The following SLC14A2 variants were observed in gnomAD, a reference collection of about 807,000 sequenced individuals.
SLC14A2 encodes the protein urea transporter 2.
Under a neutral mutation model 104.6 loss-of-function variants are expected in SLC14A2, and 91 were observed. That is an observed-to-expected ratio of 0.87 (90% CI 0.73 to 1.04). The LOEUF is 1.04. Among genes scored for constraint, SLC14A2 ranks in the 50% least tolerant of loss-of-function variants. The pLI is 0.00. For synonymous variants in SLC14A2, 476 were observed against 466.4 expected, an observed-to-expected ratio of 1.02 and a Z score of -0.27; for missense variants, 1,189 against 1,156.0, an observed-to-expected ratio of 1.03 and a Z score of -0.41.
chr18:45,537,287 A>G (rs1387867682), intron 2 of SLC14A2, among the ~76,000 whole-genome samples: 1 of 152,140 alleles, frequency 6.6e-6, no homozygotes, highest in Non-Finnish European at 1.5e-5. Flanking sequence ...ATAATTTTGA[A>G]GATTTTAGTG....
At chr18:45,501,951 T>C (rs1301846928) in intron 2 of SLC14A2, among the ~76,000 whole-genome samples, 1 of 152,336 alleles carries the variant, frequency 6.6e-6, no homozygotes, top group East Asian at 1.9e-4. Flanking sequence ...TTTATGGCTC[T>C]TGAGAAAAGT....
chr18:45,507,310 T>C (rs2043301688), intron 2 of SLC14A2: 1 of 152,346 alleles, frequency 6.6e-6, no homozygotes, highest in Admixed American at 6.5e-5. Flanking sequence ...GAGAAGTCAA[T>C]GCGCAGAGGT....
At chr18:45,420,748 A>G (rs2446788) in intron 1 of SLC14A2, among the ~76,000 whole-genome samples, 1 of 150,120 alleles carries the variant, frequency 6.7e-6, no homozygotes, top group East Asian at 1.9e-4. Context: ...TATTATTATT[A>G]TTTTTTTTTT....
intron 1 of SLC14A2, among the ~76,000 whole-genome samples, chr18:45,459,976 G>A (rs1328056833): frequency 6.6e-6 from 1 of 152,032 alleles, no homozygotes; most frequent in Admixed American, 6.6e-5. Context: ...CAGGTACCTG[G>A]GGCTCTCATG....
intron 1 of SLC14A2, among the ~76,000 whole-genome samples, chr18:45,231,814 G>T (rs1409376085): frequency 6.6e-6 from 1 of 152,208 alleles, no homozygotes; most frequent in African/African-American, 2.4e-5. Flanking sequence ...AGTAGTTACT[G>T]AGCATCTGTA....
chr18:45,568,698 C>G lies in SLC14A2; in HGVS notation c.-34-55933C>G, dbSNP rs529097872. On this transcript the variant is annotated intron_variant, in intron 2 of 20. Coordinates refer to the SLC14A2 transcript ENST00000586448. ...GAGCAGCCCTTTGTCAGCCCAAGTC[C>G]CTGAATGACAATACGAAGTAGAGGC... 1.3e-3 allele frequency among the ~76,000 whole-genome samples: 197 copies of G among 152,258 alleles called. 1 individual carries two copies. Among genetic ancestry groups the G allele is most frequent in the Non-Finnish European group, 2.5e-3 (168 of 68,014 alleles).
chr18:45,482,496 C>A (rs1344607342), intron 1 of SLC14A2: 1 of 152,192 alleles, frequency 6.6e-6, no homozygotes, highest in Non-Finnish European at 1.5e-5. Context: ...GCTACAATCA[C>A]CTCAAGGCTT....
At chr18:45,169,046 T>C in the SLC14A2 span, 1 of 152,186 alleles carries the variant, frequency 6.6e-6, no homozygotes, top group Admixed American at 6.5e-5. Context: ...TGGTTGGTTG[T>C]TGACTATATA....
At chr18:45,439,066 C>T (rs575760496) in intron 1 of SLC14A2, among the ~76,000 whole-genome samples, 60 of 152,260 alleles carry the variant, frequency 3.9e-4, no homozygotes, top group African/African-American at 1.3e-3. Context: ...GGGAGGATCA[C>T]TTGAGGGCCG....
chr18:45,417,796 T>C (rs1278657204), intron 1 of SLC14A2, among the ~76,000 whole-genome samples: 1 of 152,140 alleles, frequency 6.6e-6, no homozygotes, highest in African/African-American at 2.4e-5. Flanking sequence ...AAATCTCAAA[T>C]GGAGGAATTT....
At chr18:45,182,973 C>A in the SLC14A2 span, among the ~76,000 whole-genome samples, 1 of 151,998 alleles carries the variant, frequency 6.6e-6, no homozygotes, top group South Asian at 2.1e-4. Context: ...TAAAACAGTA[C>A]CGTATTGGTG....
intron 1 of SLC14A2, among the ~76,000 whole-genome samples, chr18:45,229,810 A>T (rs568595693): frequency 2.8e-4 from 42 of 152,284 alleles, no homozygotes; most frequent in African/African-American, 9.6e-4. Context: ...TAATCTGGAA[A>T]GTTGCTTCTG....
chr18:45,655,651 C>T lies in SLC14A2; in HGVS notation c.1352-8134C>T, dbSNP rs182119623. Among the ~76,000 whole-genome samples the T allele has an allele frequency of 3.3e-4, 50 of 152,122 alleles. 1 individual carries two copies. In the East Asian group the frequency reaches 4.3e-3, roughly 13 times the overall value. On this transcript the variant is annotated intron_variant, in intron 10 of 19. Transcript: ENST00000255226. ...GCATAGCTATGTCTGCCATAGGTAG[C>T]GCAGAAGAAGGCATAGAAGAGCATG...
At chr18:45,431,925 G>T (rs114955933) in intron 1 of SLC14A2, among the ~76,000 whole-genome samples, 5 of 152,278 alleles carry the variant, frequency 3.3e-5, no homozygotes, top group African/African-American at 1.2e-4. Context: ...GAGGGTTCTT[G>T]TGCTTCCAAC....
intron 1 of SLC14A2, among the ~76,000 whole-genome samples, chr18:45,331,627 G>T (rs979328170): frequency 6.6e-6 from 1 of 151,356 alleles, no homozygotes; most frequent in Admixed American, 6.6e-5. Flanking sequence ...GGAGGCGGAG[G>T]TTGCAGTGAG....
chr18:45,455,735 G>A (rs1351313274), intron 1 of SLC14A2, among the ~76,000 whole-genome samples: 4 of 152,078 alleles, frequency 2.6e-5, no homozygotes, highest in African/African-American at 9.7e-5. Context: ...GAACAAAAGT[G>A]ACAGTGTCTG....
intron 1 of SLC14A2, among the ~76,000 whole-genome samples, chr18:45,395,275 G>A (rs191353402): frequency 6.6e-6 from 1 of 152,178 alleles, no homozygotes; most frequent in Non-Finnish European, 1.5e-5. Flanking sequence ...AAAGAAGCCA[G>A]CCACAGAAGG....
chr18:45,682,219 A>C, intron 19 of SLC14A2, 100 bp from the exon 20 acceptor site: 1 of 985,062 alleles, frequency 1.0e-6, no homozygotes, highest in South Asian at 1.3e-5. Flanking sequence ...CCCTCAAAGC[A>C]GTCCCTCATG....
chr18:45,636,964 T>TA (rs1428683074), intron 5 of SLC14A2, 26 bp from the exon 6 acceptor site: 1 of 1,597,574 alleles, frequency 6.3e-7, no homozygotes, highest in Non-Finnish European at 8.6e-7. Flanking sequence ...TCACAGGGAT[T>TA]AACCCTCTGT....
Sources: allele counts gnomAD v4.1 joint callset (sites outside exome capture counted in the v4.1 genomes callset), GRCh38; gene constraint gnomAD v4.1.1; transcripts MANE v1.5; gene names NCBI Gene and HGNC (gene_info 2026-07-23, HGNC 2026-07-21).